The following GPR89A variants were observed in gnomAD, a reference collection of about 807,000 sequenced individuals.
GPR89A encodes golgi pH regulator A, also known as G protein-coupled receptor 89A.
Under a neutral mutation model 52.0 loss-of-function variants are expected in GPR89A, and 16 were observed. That is an observed-to-expected ratio of 0.31 (90% CI 0.21 to 0.47). The LOEUF is 0.47. GPR89A is among the 20% of genes least tolerant of loss of function. The pLI is 1.00. For missense variants in GPR89A, 135 were observed against 449.4 expected (o/e 0.30, Z 6.33); for synonymous variants, 55 against 150.9 (o/e 0.36, Z 4.66).
chr1:145,612,057 A>G (rs1449559915), intron 1 of GPR89A: 4 of 151,988 alleles, frequency 2.6e-5, no homozygotes, highest in African/African-American at 9.7e-5. Flanking sequence ...TAGTTTGCCA[A>G]CGCCAGGAGT....
chr1:145,611,669 T>A (rs1292567020), intron 1 of GPR89A: 1 of 83,062 alleles, frequency 1.2e-5, no homozygotes, highest in African/African-American at 4.9e-5. Context: ...CTCTTCCATT[T>A]CATAGCAATC....
chr1:145,617,306 A>G (rs1325707886), intron 2 of GPR89A, among the ~76,000 whole-genome samples: 3 of 152,218 alleles, frequency 2.0e-5, no homozygotes, highest in Non-Finnish European at 4.4e-5. Context: ...GCAAGCAGTC[A>G]GACCTTATGG....
chr1:145,609,407 TACC>T (rs1553685732), intron 1 of GPR89A, among the ~76,000 whole-genome samples: 1 of 152,214 alleles, frequency 6.6e-6, no homozygotes, highest in African/African-American at 2.4e-5. Flanking sequence ...TTTTAAAATT[TACC>T]ACCTTTTCTA....
intron 7 of GPR89A, among the ~76,000 whole-genome samples, chr1:145,632,868 T>C (rs1441494252): frequency 6.6e-6 from 1 of 152,202 alleles, no homozygotes; most frequent in Non-Finnish European, 1.5e-5. Flanking sequence ...CCACCAACAA[T>C]GTAATAGGGT....
chr1:145,632,332 G>A lies in GPR89A; in HGVS notation c.617+588G>A, dbSNP rs587763051. 4.6e-5 allele frequency among the ~76,000 whole-genome samples: 7 copies of A among 151,676 alleles called. No individual in the cohort carries two copies. In the South Asian group the frequency reaches 1.5e-3, roughly 32 times the overall value. On this transcript the variant is annotated intron_variant, in intron 7 of 13. Coordinates refer to ENST00000313835, the MANE Select transcript of GPR89A (RefSeq NM_001097612.2). The stretch of plus-strand genomic sequence containing the variant: ...TATTCATCATGCTGTACAGTATGTT[G>A]CAAAGAAAAAAAACCTTATTCCTCC...
intron 3 of GPR89A, among the ~76,000 whole-genome samples, chr1:145,619,391 C>T (rs1198879851): frequency 1.3e-5 from 2 of 150,248 alleles, no homozygotes; most frequent in Admixed American, 6.6e-5. Context: ...AGGAGGATCA[C>T]TTAAGTGCAG....
At chr1:145,629,497 G>A (rs1219927944) in intron 5 of GPR89A, among the ~76,000 whole-genome samples, 1 of 152,140 alleles carries the variant, frequency 6.6e-6, no homozygotes, top group Non-Finnish European at 1.5e-5. Context: ...GGCTGACCAA[G>A]GGCAAGATAA....
intron 1 of GPR89A, among the ~76,000 whole-genome samples, chr1:145,610,816 AT>A (rs1559019216): frequency 6.6e-6 from 1 of 152,146 alleles, no homozygotes; most frequent in African/African-American, 2.4e-5. Context: ...TTTATAGTTA[AT>A]TCTTTAATAA....
intron 1 of GPR89A, chr1:145,612,322 C>G: frequency 6.6e-6 from 1 of 152,174 alleles, no homozygotes. Context: ...ATTCTTACCT[C>G]CTTTCCTCCC....
At chr1:145,625,168 T>C (rs1553688810) in intron 5 of GPR89A, among the ~76,000 whole-genome samples, 1 of 151,986 alleles carries the variant, frequency 6.6e-6, no homozygotes, top group Non-Finnish European at 1.5e-5. Context: ...TGTGTATTTT[T>C]AAAATAAGAA....
chr1:145,615,850 C>T lies in GPR89A; in HGVS notation c.43-384C>T, dbSNP rs1301879230. Among the ~76,000 whole-genome samples, 5 of 152,058 alleles carry T rather than the reference C, an allele frequency of 3.3e-5. No homozygotes were observed. The South Asian group carries it at 8.3e-4, about 25-fold the overall frequency. On this transcript the variant is annotated intron_variant, in intron 1 of 13. Transcript: ENST00000313835. The stretch of plus-strand genomic sequence containing the variant: ...GGCCAGACTGGTCTTGAACTCCTGG[C>T]TTCAGGTGATCTGCCCACCTTGTCC...
At chr1:145,667,619 C>A (rs587727028) in intron 12 of GPR89A, among the ~76,000 whole-genome samples, 2 of 151,724 alleles carry the variant, frequency 1.3e-5, no homozygotes, top group Non-Finnish European at 2.9e-5. Flanking sequence ...CCATTGCTTT[C>A]GGTGTTTTAG....
intron 7 of GPR89A, among the ~76,000 whole-genome samples, chr1:145,641,945 C>T (rs587762876): frequency 1.3e-5 from 2 of 152,104 alleles, no homozygotes; most frequent in South Asian, 2.1e-4. Flanking sequence ...TCATCTACAA[C>T]TTATTTGATA....
At chr1:145,643,528 C>T (rs1197451903) in intron 7 of GPR89A, among the ~76,000 whole-genome samples, 2 of 152,146 alleles carry the variant, frequency 1.3e-5, no homozygotes, top group Admixed American at 6.5e-5. Context: ...CTATGTATAG[C>T]GCCTCATATG....
In GPR89A at chr1:145,623,036, C is replaced by G; in HGVS notation, c.207-18C>G. Reference sequence around the variant, plus strand: ...GCCCTCTCTTCCTCCCAGTGACAGTCTTTGACATTTATTTCAGCTCCCGTT... The same window carrying G: ...GCCCTCTCTTCCTCCCAGTGACAGTGTTTGACATTTATTTCAGCTCCCGTT... On this transcript the variant is annotated intron_variant, in intron 3 of 13. Coordinates refer to ENST00000313835, the MANE Select transcript of GPR89A (RefSeq NM_001097612.2). The G allele has an allele frequency of 6.2e-7, 1 of 1,602,798 alleles. No individual in the cohort carries two copies.
chr1:145,655,339 C>T (rs1553694327), intron 10 of GPR89A, among the ~76,000 whole-genome samples: 2 of 151,628 alleles, frequency 1.3e-5, no homozygotes, highest in African/African-American at 4.9e-5. Flanking sequence ...AGTTCTGTGC[C>T]CTTGCTGGAG....
intron 10 of GPR89A, among the ~76,000 whole-genome samples, chr1:145,659,024 G>A (rs1285642328): frequency 2.6e-5 from 4 of 151,902 alleles, no homozygotes; most frequent in Non-Finnish European, 2.9e-5. Context: ...TGATCCACTA[G>A]CCTCGGCCTC....
chr1:145,635,263 G>A (rs1202529269), intron 7 of GPR89A, among the ~76,000 whole-genome samples: 6 of 152,264 alleles, frequency 3.9e-5, no homozygotes, highest in South Asian at 4.1e-4. Context: ...AAAAGTAGCC[G>A]GGCGTGGTGG....
chr1:145,667,785 C>T (rs1177005807), intron 12 of GPR89A, among the ~76,000 whole-genome samples: 16 of 152,088 alleles, frequency 1.1e-4, no homozygotes, highest in African/African-American at 3.9e-4. Flanking sequence ...CAGCTTTCTA[C>T]ATATGGCTAG....
Sources: allele counts gnomAD v4.1 joint callset (sites outside exome capture counted in the v4.1 genomes callset), GRCh38; gene constraint gnomAD v4.1.1; transcripts MANE v1.5; gene names NCBI Gene and HGNC (gene_info 2026-07-23, HGNC 2026-07-21).